Variants in SQOR observed in about 807,000 individuals in gnomAD.
The protein encoded by SQOR is sulfide:quinone oxidoreductase, mitochondrial.
In SQOR, 39 loss-of-function variants were observed where a neutral mutation model predicts 48.6. That is an observed-to-expected ratio of 0.80 (90% CI 0.62 to 1.05). The LOEUF is 1.05. Among genes scored for constraint, SQOR ranks in the 50% least tolerant of loss-of-function variants. The probability of loss-of-function intolerance (pLI) is 0.00; values close to 1 mark genes in which losing one functional copy is unlikely to be tolerated. For synonymous variants in SQOR, 220 were observed against 206.2 expected (o/e 1.07, Z -0.57); for missense variants, 561 against 559.9 (o/e 1.00, Z -0.02).
At chr15:45,667,512 C>G (rs1889854894) in intron 3 of SQOR, among the ~76,000 whole-genome samples, 1 of 152,124 alleles carries the variant, frequency 6.6e-6, no homozygotes, top group African/African-American at 2.4e-5. Flanking sequence ...TGTCTATAAG[C>G]TTTTGCTGTT....
At chr15:45,683,935 GA>G (rs1229830212) in intron 7 of SQOR, among the ~76,000 whole-genome samples, 1 of 151,498 alleles carries the variant, frequency 6.6e-6, no homozygotes, top group Non-Finnish European at 1.5e-5. Flanking sequence ...TGGGGGGACA[GA>G]ATTTCACTCT....
chr15:45,665,678 G>A (rs1392448697), intron 3 of SQOR, among the ~76,000 whole-genome samples: 2 of 151,508 alleles, frequency 1.3e-5, no homozygotes, highest in Non-Finnish European at 1.5e-5. Context: ...CTGCCTCCCA[G>A]GTTCAAGTGA....
intron 2 of SQOR, 101 bp downstream of exon 2, chr15:45,659,258 T>C (rs551623691): frequency 1.9e-5 from 19 of 997,572 alleles, no homozygotes; most frequent in Non-Finnish European, 2.4e-5. Context: ...TATCAAGCAA[T>C]GGGTCTTCAT....
intron 1 of SQOR, among the ~76,000 whole-genome samples, chr15:45,652,934 G>C (rs1889522457): frequency 6.6e-6 from 1 of 151,508 alleles, no homozygotes; most frequent in Non-Finnish European, 1.5e-5. Context: ...GATCCAGCCT[G>C]GGCGACAGAG....
At chr15:45,642,942 A>T (rs1426700902) in intron 1 of SQOR, among the ~76,000 whole-genome samples, 1 of 152,116 alleles carries the variant, frequency 6.6e-6, no homozygotes, top group Non-Finnish European at 1.5e-5. Context: ...TAGTCTCCTA[A>T]CTGATTTGTC....
chr15:45,686,152 A>AT (rs145508539), intron 7 of SQOR, among the ~76,000 whole-genome samples: 41 of 150,014 alleles, frequency 2.7e-4, no homozygotes, highest in Non-Finnish European at 5.2e-4. Flanking sequence ...GGCCTCATTT[A>AT]ATATATATAT....
chr15:45,676,374 G>T, intron 6 of SQOR, 64 bp downstream of exon 6: 2 of 1,474,848 alleles, frequency 1.4e-6, no homozygotes, highest in Non-Finnish European at 9.4e-7. Context: ...ATAGATACAT[G>T]GGGGCTCACA....
chr15:45,637,709 T>G (rs1566912785), intron 1 of SQOR, among the ~76,000 whole-genome samples: 1 of 152,196 alleles, frequency 6.6e-6, no homozygotes, highest in Non-Finnish European at 1.5e-5. Flanking sequence ...AACTGAATGT[T>G]GAAAGGAAAC....
chr15:45,637,779 G>A (rs139749168), intron 1 of SQOR, among the ~76,000 whole-genome samples: 4 of 152,280 alleles, frequency 2.6e-5, no homozygotes, highest in East Asian at 1.9e-4. Flanking sequence ...TTGTTAATCC[G>A]ATGTGTTGTA....
chr15:45,639,888 G>T (rs1895074463), intron 1 of SQOR, among the ~76,000 whole-genome samples: 1 of 152,168 alleles, frequency 6.6e-6, no homozygotes, highest in Non-Finnish European at 1.5e-5. Flanking sequence ...AGTAAGAAAG[G>T]TCTTTAATGG....
intron 7 of SQOR, among the ~76,000 whole-genome samples, chr15:45,687,823 T>G (rs1890250089): frequency 6.6e-6 from 1 of 152,244 alleles, no homozygotes; most frequent in Non-Finnish European, 1.5e-5. Context: ...TATCTCTATA[T>G]CTATAGATCT....
intron 1 of SQOR, among the ~76,000 whole-genome samples, chr15:45,651,564 C>T (rs904058432): frequency 6.6e-6 from 1 of 152,254 alleles, no homozygotes; most frequent in Non-Finnish European, 1.5e-5. Context: ...ACGCTGTCAC[C>T]TCTCACTACC....
intron 5 of SQOR, among the ~76,000 whole-genome samples, chr15:45,675,459 A>T (rs900348826): frequency 1.3e-5 from 2 of 151,824 alleles, no homozygotes; most frequent in Admixed American, 1.3e-4. Context: ...CAATGGTGCA[A>T]TCTCAGCTCC....
At chr15:45,686,875 A>G (rs1297002598) in intron 7 of SQOR, among the ~76,000 whole-genome samples, 4 of 152,144 alleles carry the variant, frequency 2.6e-5, no homozygotes, top group Admixed American at 1.3e-4. Context: ...CAGTGGTGCA[A>G]TCTCAGCTCA....
chr15:45,632,218 C>CTCCT (rs1290405829), upstream of SQOR, among the ~76,000 whole-genome samples: 1 of 133,120 alleles, frequency 7.5e-6, no homozygotes, highest in Non-Finnish European at 1.6e-5. Context: ...CCCTCCCTCC[C>CTCCT]TCCTTCCTTC....
At chr15:45,633,866 G>T (rs1319370375), upstream of SQOR, among the ~76,000 whole-genome samples, 1 of 150,712 alleles carries the variant, frequency 6.6e-6, no homozygotes, top group Non-Finnish European at 1.5e-5. Flanking sequence ...AGTATCAGTT[G>T]AAAACATTTA....
intron 1 of SQOR, among the ~76,000 whole-genome samples, chr15:45,643,034 T>A (rs1453118941): frequency 2.6e-5 from 4 of 152,210 alleles, no homozygotes; most frequent in African/African-American, 9.6e-5. Flanking sequence ...ATTCTCTTAC[T>A]CAAAGCTGCC....
intron 7 of SQOR, among the ~76,000 whole-genome samples, chr15:45,686,444 G>T (rs1188369564): frequency 3.3e-5 from 5 of 151,984 alleles, no homozygotes; most frequent in Non-Finnish European, 7.4e-5. Context: ...GAGCCACCGC[G>T]CCCGGCCTCA....
chr15:45,686,016 AT>A (rs1267395605), intron 7 of SQOR, among the ~76,000 whole-genome samples: 1 of 136,498 alleles, frequency 7.3e-6, no homozygotes, highest in Admixed American at 8.4e-5. Flanking sequence ...TACCCAGCTA[AT>A]TTTTAAGTTA....
Sources: gnomAD v4.1 joint callset for allele counts (sites outside exome capture counted in the v4.1 genomes callset) on GRCh38, gnomAD v4.1.1 for gene constraint, MANE v1.5 for transcripts, NCBI Gene and HGNC (gene_info 2026-07-23, HGNC 2026-07-21) for gene names.